Variants in FTCDNL1 observed in about 807,000 individuals in gnomAD.
The protein encoded by FTCDNL1 is formiminotransferase cyclodeaminase N-terminal like, also known as formiminotransferase N-terminal subdomain-containing protein.
Under a neutral mutation model 5.9 loss-of-function variants are expected in FTCDNL1, and 11 were observed. The ratio of observed to expected loss-of-function variants is 1.87; its 90% CI spans 1.18 to 3.10. The LOEUF (loss-of-function observed/expected upper bound fraction) is 3.10. Ranked by LOEUF, FTCDNL1 falls within the 30% of genes most tolerant of loss-of-function variation. The pLI, the probability that FTCDNL1 is intolerant of heterozygous loss-of-function variation, is 0.00. For missense variants in FTCDNL1, 115 were observed against 65.5 expected (o/e 1.76, Z -2.61); for synonymous variants, 58 against 24.8 (o/e 2.34, Z -3.99).
At chr2:199,816,028 A>AAGAC (rs1305463570) in intron 4 of FTCDNL1, among the ~76,000 whole-genome samples, 1 of 151,306 alleles carries the variant, frequency 6.6e-6, no homozygotes, top group Non-Finnish European at 1.5e-5. Flanking sequence ...GAAAGAAAGA[A>AAGAC]AGCAATTTAC....
intron 3 of FTCDNL1, among the ~76,000 whole-genome samples, chr2:199,791,858 G>T (rs1173133644): frequency 6.6e-6 from 1 of 152,040 alleles, no homozygotes; most frequent in Non-Finnish European, 1.5e-5. Flanking sequence ...ATATGCATAT[G>T]TGTATATACC....
At chr2:199,694,759 A>G in the FTCDNL1 span, among the ~76,000 whole-genome samples, 1 of 152,160 alleles carries the variant, frequency 6.6e-6, no homozygotes, top group African/African-American at 2.4e-5. Flanking sequence ...GCTTGAACCC[A>G]GGAGGTTGAG....
chr2:199,793,070 A>G (rs1368229120), intron 3 of FTCDNL1, among the ~76,000 whole-genome samples: 1 of 152,130 alleles, frequency 6.6e-6, no homozygotes, highest in Non-Finnish European at 1.5e-5. Flanking sequence ...GTCTCTCTTC[A>G]TTTGCCTACA....
At chr2:199,762,177 G>T (rs915646345) in intron 3 of FTCDNL1, among the ~76,000 whole-genome samples, 16 of 152,146 alleles carry the variant, frequency 1.1e-4, no homozygotes, top group Admixed American at 1.0e-3. Context: ...TCAGGAGTTC[G>T]AGACCAGCCT....
chr2:199,735,178 T>A, the FTCDNL1 span, among the ~76,000 whole-genome samples: 2 of 149,312 alleles, frequency 1.3e-5, no homozygotes, highest in Admixed American at 1.3e-4. Flanking sequence ...TATGAGATTA[T>A]CCTAGTGGCT....
chr2:199,673,694 AT>A, the FTCDNL1 span, among the ~76,000 whole-genome samples: 1 of 152,220 alleles, frequency 6.6e-6, no homozygotes, highest in East Asian at 1.9e-4. Flanking sequence ...TGAAATAGAT[AT>A]AAGAAAGAAA....
At position 199,764,884 on chromosome 2, in the gene FTCDNL1, A is replaced by G. The variant is rs547450677; in HGVS notation, c.212-4049T>C. Among the ~76,000 whole-genome samples, 4 of 152,216 alleles carry G rather than the reference A, an allele frequency of 2.6e-5. No individual in the cohort carries two copies. In the South Asian group the frequency reaches 8.3e-4, roughly 32 times the overall value. On this transcript the variant is annotated intron_variant, in intron 3 of 3. Transcript: ENST00000416668. ...CCCGCTTCCCTACTCCCCCTGACCC[A>G]GGCATTCAGACCTTCGCACACAGCC...
the FTCDNL1 span, among the ~76,000 whole-genome samples, chr2:199,717,619 C>A: frequency 2.1e-5 from 3 of 141,260 alleles, no homozygotes; most frequent in Non-Finnish European, 4.5e-5. Flanking sequence ...ATTTCCAACT[C>A]TTCATAAAAG....
At chr2:199,746,254 C>T in the FTCDNL1 span, among the ~76,000 whole-genome samples, 1 of 152,198 alleles carries the variant, frequency 6.6e-6, no homozygotes, top group Non-Finnish European at 1.5e-5. Flanking sequence ...AACTCACCCT[C>T]TCCAAATCTC....
chr2:199,799,215 C>T (rs1700320995), intron 3 of FTCDNL1, among the ~76,000 whole-genome samples: 1 of 152,152 alleles, frequency 6.6e-6, no homozygotes, highest in African/African-American at 2.4e-5. Flanking sequence ...GAAAGAAAAA[C>T]TTGGCAATCG....
the FTCDNL1 span, among the ~76,000 whole-genome samples, chr2:199,735,086 T>C: frequency 9.7e-6 from 1 of 103,424 alleles, no homozygotes; most frequent in Non-Finnish European, 1.9e-5. Context: ...AACCCCCTGA[T>C]AGTCAAACAA....
chr2:199,779,806 TC>T (rs1699271870), intron 3 of FTCDNL1, among the ~76,000 whole-genome samples: 3 of 152,150 alleles, frequency 2.0e-5, no homozygotes, highest in Admixed American at 6.5e-5. Flanking sequence ...GTGACGTCAG[TC>T]CTAAGTGTAT....
the FTCDNL1 span, among the ~76,000 whole-genome samples, chr2:199,715,691 G>A: frequency 6.6e-6 from 1 of 152,106 alleles, no homozygotes; most frequent in African/African-American, 2.4e-5. Context: ...ACCCTATGAG[G>A]TGCAGAGCAT....
At chr2:199,804,189 T>C (rs1362596419) in intron 3 of FTCDNL1, among the ~76,000 whole-genome samples, 1 of 152,184 alleles carries the variant, frequency 6.6e-6, no homozygotes, top group African/African-American at 2.4e-5. Flanking sequence ...ATCCATATAA[T>C]TACTTTTTTC....
At chr2:199,789,270 T>C (rs916089475) in intron 3 of FTCDNL1, among the ~76,000 whole-genome samples, 1 of 151,832 alleles carries the variant, frequency 6.6e-6, no homozygotes, top group Admixed American at 6.6e-5. Flanking sequence ...CCCAAAGGAG[T>C]AATATGATAT....
At chr2:199,847,281 T>C (rs2076756485) in intron 2 of FTCDNL1, among the ~76,000 whole-genome samples, 1 of 148,208 alleles carries the variant, frequency 6.7e-6, no homozygotes, top group African/African-American at 2.5e-5. Flanking sequence ...AAAATATTTG[T>C]AAAAAAAAAA....
chr2:199,674,777 G>A, the FTCDNL1 span, among the ~76,000 whole-genome samples: 14 of 152,152 alleles, frequency 9.2e-5, no homozygotes, highest in Admixed American at 2.0e-4. Context: ...TCATGCTGCC[G>A]GGGAAGAAAT....
intron 3 of FTCDNL1, among the ~76,000 whole-genome samples, chr2:199,772,452 A>T (rs957905695): frequency 1.3e-5 from 2 of 152,142 alleles, no homozygotes; most frequent in Non-Finnish European, 1.5e-5. Flanking sequence ...CAGGGTCCCA[A>T]AGAGCAGGGG....
the FTCDNL1 span, among the ~76,000 whole-genome samples, chr2:199,679,447 A>T: frequency 6.6e-6 from 1 of 151,938 alleles, no homozygotes; most frequent in Non-Finnish European, 1.5e-5. Flanking sequence ...TCTTCATTGG[A>T]AAGTTTACAA....
Sources: gnomAD v4.1 joint callset for allele counts (sites outside exome capture counted in the v4.1 genomes callset) on GRCh38, gnomAD v4.1.1 for gene constraint, MANE v1.5 for transcripts, NCBI Gene and HGNC (gene_info 2026-07-23, HGNC 2026-07-21) for gene names.